Variants in PRKCA observed in about 807,000 individuals in gnomAD.
PRKCA encodes the protein protein kinase C alpha, also known as protein kinase C alpha type.
Under a neutral mutation model 87.0 loss-of-function variants are expected in PRKCA, and 27 were observed. The observed-to-expected ratio is 0.31, with a 90% confidence interval of 0.23 to 0.43. PRKCA has a LOEUF of 0.43. PRKCA is among the 20% of genes least tolerant of loss of function. The pLI is 1.00. For missense variants in PRKCA, 518 were observed against 852.3 expected (o/e 0.61, Z 4.88); for synonymous variants, 329 against 311.1 (o/e 1.06, Z -0.61).
chr17:66,433,898 G>A (rs1375272084), intron 2 of PRKCA, among the ~76,000 whole-genome samples: 1 of 152,142 alleles, frequency 6.6e-6, no homozygotes, highest in Non-Finnish European at 1.5e-5. Context: ...TGAGGCCTGG[G>A]CACCTGGTTG....
intron 13 of PRKCA, among the ~76,000 whole-genome samples, chr17:66,759,216 C>T (rs1032613835): frequency 2.0e-5 from 3 of 151,896 alleles, no homozygotes; most frequent in Middle Eastern, 3.4e-3. Context: ...ATTAGCCGGG[C>T]GTGGTGGCGG....
intron 3 of PRKCA, among the ~76,000 whole-genome samples, chr17:66,588,231 G>T (rs1206283188): frequency 4.6e-5 from 7 of 151,998 alleles, no homozygotes; most frequent in Admixed American, 1.3e-4. Context: ...CCTTTTCATA[G>T]GTTGATTAGC....
At chr17:66,500,823 A>G (rs367779267) in intron 3 of PRKCA, among the ~76,000 whole-genome samples, 3 of 152,232 alleles carry the variant, frequency 2.0e-5, no homozygotes, top group East Asian at 3.8e-4. Flanking sequence ...TGTCTTAGAA[A>G]TCAATCCAAT....
intron 2 of PRKCA, among the ~76,000 whole-genome samples, chr17:66,464,758 A>G (rs1406494891): frequency 2.0e-5 from 3 of 151,936 alleles, no homozygotes; most frequent in African/African-American, 7.3e-5. Context: ...TATATTTTGT[A>G]TAATACTTCT....
chr17:66,323,255 T>C (rs1296880356), intron 2 of PRKCA, among the ~76,000 whole-genome samples: 1 of 152,242 alleles, frequency 6.6e-6, no homozygotes, highest in East Asian at 1.9e-4. Flanking sequence ...CATTCCTTTG[T>C]ATTTTCTGCA....
chr17:66,560,482 G>T (rs1968644406), intron 3 of PRKCA, among the ~76,000 whole-genome samples: 1 of 152,106 alleles, frequency 6.6e-6, no homozygotes. Context: ...TTGCTAAGGG[G>T]TTATTCCGAG....
chr17:66,499,947 T>A (rs1916656468), intron 3 of PRKCA, among the ~76,000 whole-genome samples: 2 of 152,180 alleles, frequency 1.3e-5, no homozygotes. Context: ...TAATGGTCCA[T>A]GTCCCCGAAA....
chr17:66,765,418 C>CTATCTATATCTATATATCTATATATCTA (rs1256949775), intron 13 of PRKCA, among the ~76,000 whole-genome samples: 2 of 49,310 alleles, frequency 4.1e-5, no homozygotes, highest in East Asian at 1.2e-3. Context: ...AAGACTTTGT[C>CTATCTATATCTATATATCTATATATCTA]TATATATATA....
chr17:66,304,636 A>G (rs936474525), intron 1 of PRKCA, among the ~76,000 whole-genome samples: 1 of 152,170 alleles, frequency 6.6e-6, no homozygotes, highest in Non-Finnish European at 1.5e-5. Context: ...CTGGGGAAAA[A>G]CATCCCAAAG....
intron 2 of PRKCA, among the ~76,000 whole-genome samples, chr17:66,350,294 A>G (rs780188634): frequency 6.6e-6 from 1 of 152,066 alleles, no homozygotes; most frequent in Non-Finnish European, 1.5e-5. Context: ...GTGTGACCAA[A>G]TGAGCCGTCT....
At chr17:66,444,061 G>A (rs1913908579) in intron 2 of PRKCA, among the ~76,000 whole-genome samples, 1 of 152,156 alleles carries the variant, frequency 6.6e-6, no homozygotes, top group Admixed American at 6.5e-5. Flanking sequence ...GGGATGATAA[G>A]GATAAAACCT....
At chr17:66,700,106 T>C (rs1182217306) in intron 8 of PRKCA, among the ~76,000 whole-genome samples, 1 of 152,248 alleles carries the variant, frequency 6.6e-6, no homozygotes, top group African/African-American at 2.4e-5. Flanking sequence ...AAGGATGATA[T>C]GCTGTGATCA....
At chr17:66,708,891 AG>A (rs1973251897) in intron 8 of PRKCA, among the ~76,000 whole-genome samples, 1 of 152,172 alleles carries the variant, frequency 6.6e-6, no homozygotes, top group Non-Finnish European at 1.5e-5. Context: ...CCTAAAATAG[AG>A]TTTTTGGGGT....
At chr17:66,373,112 A>T (rs1057270502) in intron 2 of PRKCA, among the ~76,000 whole-genome samples, 2 of 152,200 alleles carry the variant, frequency 1.3e-5, no homozygotes, top group African/African-American at 4.8e-5. Context: ...CATGCATAAT[A>T]AATATACCTA....
At chr17:66,621,283 C>T (rs1441643598) in intron 3 of PRKCA, among the ~76,000 whole-genome samples, 1 of 152,170 alleles carries the variant, frequency 6.6e-6, no homozygotes, top group East Asian at 1.9e-4. Context: ...CACTGTAATT[C>T]TTGGAATTCA....
At chr17:66,351,524 G>A (rs955198294) in intron 2 of PRKCA, among the ~76,000 whole-genome samples, 1 of 152,144 alleles carries the variant, frequency 6.6e-6, no homozygotes, top group Admixed American at 6.5e-5. Flanking sequence ...CCTATATGTG[G>A]CTGTGTTTAG....
intron 2 of PRKCA, among the ~76,000 whole-genome samples, chr17:66,374,500 T>C (rs9892815): frequency 0.98 from 148,787 of 152,248 alleles, 72,732 homozygotes; most frequent in East Asian, 1. Flanking sequence ...CCCAGCCTAG[T>C]GGAGACTTGC....
intron 2 of PRKCA, among the ~76,000 whole-genome samples, chr17:66,368,342 G>T (rs1056378052): frequency 1.2e-5 from 1 of 84,100 alleles, no homozygotes; most frequent in Admixed American, 1.8e-4. Context: ...GTATATATGT[G>T]TGTGTGTGTG....
intron 2 of PRKCA, among the ~76,000 whole-genome samples, chr17:66,476,088 CAG>C (rs1915524272): frequency 1.3e-5 from 2 of 152,128 alleles, no homozygotes; most frequent in East Asian, 1.9e-4. Context: ...TTAGTAGAGG[CAG>C]AGTTTTGCTA....
Sources: allele counts gnomAD v4.1 joint callset (sites outside exome capture counted in the v4.1 genomes callset), GRCh38; gene constraint gnomAD v4.1.1; transcripts MANE v1.5; gene names NCBI Gene and HGNC (gene_info 2026-07-23, HGNC 2026-07-21).